PCDH7: variants seen among roughly 807,000 people sequenced by gnomAD.
The protein encoded by PCDH7 is protocadherin 7.
In PCDH7, 17 loss-of-function variants were observed where a neutral mutation model predicts 58.9. That is an observed-to-expected ratio of 0.29 (90% confidence interval 0.20 to 0.43). The LOEUF (loss-of-function observed/expected upper bound fraction) is 0.43, where lower values mean the gene tolerates loss of function less well. Among genes scored for constraint, PCDH7 ranks in the 20% least tolerant of loss-of-function variants. The pLI is 1.00. For synonymous variants in PCDH7, 664 were observed against 616.4 expected, an observed-to-expected ratio of 1.08 and a Z score of -1.14; for missense variants, 1,274 against 1,441.0, an observed-to-expected ratio of 0.88 and a Z score of 1.88.
At chr4:30,814,849 T>C (rs1727467193) in intron 1 of PCDH7, among the ~76,000 whole-genome samples, 1 of 152,116 alleles carries the variant, frequency 6.6e-6, no homozygotes, top group Non-Finnish European at 1.5e-5. Context: ...AGTCATTTTT[T>C]CCCCATAATT....
chr4:31,041,741 A>G (rs1755885942), intron 3 of PCDH7, among the ~76,000 whole-genome samples: 1 of 152,100 alleles, frequency 6.6e-6, no homozygotes, highest in African/African-American at 2.4e-5. Flanking sequence ...GTTTTCATCC[A>G]ATCAATATGC....
Position 30,865,757 on chromosome 4 carries a change from T to A in PCDH7, c.71-54396T>A, listed in dbSNP as rs941873774. ...TCTATCTCTCTAACATAGCCAGTCT[T>A]TTCTCAGTTGATGAACAGTTGACTC... On this transcript the variant is annotated intron_variant, in intron 1 of 3. Coordinates refer to the PCDH7 transcript ENST00000509759. Among the ~76,000 whole-genome samples the A allele has an allele frequency of 2.0e-5, 3 of 152,088 alleles. No individual in the cohort carries two copies. In the South Asian group the frequency reaches 6.2e-4, roughly 31 times the overall value.
intron 3 of PCDH7, among the ~76,000 whole-genome samples, chr4:31,097,421 T>A (rs1170136095): frequency 2.0e-5 from 3 of 147,168 alleles, no homozygotes; most frequent in East Asian, 4.0e-4. Flanking sequence ...GCCACTCCAC[T>A]CCAGCCTGCG....
chr4:31,028,384 G>A (rs545999340), intron 3 of PCDH7, among the ~76,000 whole-genome samples: 3 of 152,106 alleles, frequency 2.0e-5, no homozygotes, highest in South Asian at 4.1e-4. Flanking sequence ...GTTTCATTTC[G>A]AAATTACCCA....
chr4:31,078,926 G>T (rs549184986), intron 3 of PCDH7, among the ~76,000 whole-genome samples: 1 of 151,814 alleles, frequency 6.6e-6, no homozygotes, highest in Non-Finnish European at 1.5e-5. Flanking sequence ...CATATATGTG[G>T]ATAATTAATT....
chr4:30,763,393 A>G (rs755977510), intron 1 of PCDH7, among the ~76,000 whole-genome samples: 26 of 152,330 alleles, frequency 1.7e-4, no homozygotes, highest in Admixed American at 5.2e-4. Context: ...GATTCACCAC[A>G]GTGATCTTTA....
chr4:30,946,168 G>A (rs1304079297), intron 2 of PCDH7, among the ~76,000 whole-genome samples: 1 of 152,086 alleles, frequency 6.6e-6, no homozygotes, highest in Non-Finnish European at 1.5e-5. Context: ...AGACCTTACT[G>A]ATAGGATAAG....
At chr4:31,038,926 T>C (rs1755626049) in intron 3 of PCDH7, among the ~76,000 whole-genome samples, 2 of 152,202 alleles carry the variant, frequency 1.3e-5, no homozygotes, top group Non-Finnish European at 2.9e-5. Flanking sequence ...AGTCGAAGAC[T>C]CCTTGTGTGT....
downstream of PCDH7, among the ~76,000 whole-genome samples, chr4:30,733,562 G>A (rs2109240400): frequency 6.6e-6 from 1 of 152,196 alleles, no homozygotes; most frequent in East Asian, 1.9e-4. Flanking sequence ...GAGTAGCTGG[G>A]ATTACAGGTG....
At chr4:30,856,478 A>G (rs1322212752) in intron 1 of PCDH7, among the ~76,000 whole-genome samples, 1 of 152,080 alleles carries the variant, frequency 6.6e-6, no homozygotes, top group Non-Finnish European at 1.5e-5. Flanking sequence ...AGATGATAGG[A>G]TTTTACAAAA....
At chr4:30,998,450 A>G (rs931532212) in intron 3 of PCDH7, among the ~76,000 whole-genome samples, 1 of 152,252 alleles carries the variant, frequency 6.6e-6, no homozygotes, top group Admixed American at 6.5e-5. Flanking sequence ...TGAGATATAG[A>G]TGAGAATATA....
intron 1 of PCDH7, among the ~76,000 whole-genome samples, chr4:30,768,974 A>G (rs1007377548): frequency 2.8e-4 from 43 of 152,260 alleles, no homozygotes; most frequent in African/African-American, 1.0e-3. Context: ...AGCTGAATCA[A>G]TCTAATATAG....
At chr4:31,059,725 T>C (rs1197176070) in intron 3 of PCDH7, among the ~76,000 whole-genome samples, 1 of 151,888 alleles carries the variant, frequency 6.6e-6, no homozygotes, top group Non-Finnish European at 1.5e-5. Context: ...TCTGTGTTTC[T>C]AATAACCCAA....
At chr4:31,087,162 A>G (rs1169940290) in intron 3 of PCDH7, among the ~76,000 whole-genome samples, 4 of 152,144 alleles carry the variant, frequency 2.6e-5, no homozygotes, top group Admixed American at 2.6e-4. Flanking sequence ...AAATAAACAT[A>G]CAGCAGGTAG....
chr4:30,807,957 C>T (rs999093778), intron 1 of PCDH7, among the ~76,000 whole-genome samples: 2 of 152,174 alleles, frequency 1.3e-5, no homozygotes, highest in Non-Finnish European at 2.9e-5. Context: ...AAAGTATATG[C>T]AGTCACAGCG....
At chr4:31,071,551 A>G (rs988262934) in intron 3 of PCDH7, among the ~76,000 whole-genome samples, 4 of 152,082 alleles carry the variant, frequency 2.6e-5, no homozygotes, top group African/African-American at 9.7e-5. Flanking sequence ...TAGTAAATGC[A>G]GGCAAATTTT....
chr4:30,860,067 C>G (rs1266744534), intron 1 of PCDH7, among the ~76,000 whole-genome samples: 1 of 152,112 alleles, frequency 6.6e-6, no homozygotes, highest in African/African-American at 2.4e-5. Flanking sequence ...ACCGTGTGTT[C>G]GATTCTTTTC....
chr4:31,114,662 C>CACAA (rs1716773812), intron 3 of PCDH7, among the ~76,000 whole-genome samples: 1 of 151,062 alleles, frequency 6.6e-6, no homozygotes, highest in Non-Finnish European at 1.5e-5. Context: ...CACACACACA[C>CACAA]ACACACGAAG....
intron 3 of PCDH7, among the ~76,000 whole-genome samples, chr4:31,003,095 T>C (rs1169098026): frequency 1.3e-5 from 2 of 152,234 alleles, no homozygotes; most frequent in African/African-American, 2.4e-5. Flanking sequence ...AATAAAATCA[T>C]GCTTATTTAA....
Sources: allele counts gnomAD v4.1 joint callset (sites outside exome capture counted in the v4.1 genomes callset), GRCh38; gene constraint gnomAD v4.1.1; transcripts MANE v1.5; gene names NCBI Gene and HGNC (gene_info 2026-07-23, HGNC 2026-07-21).